Variants in ZNF19 observed in about 807,000 individuals in gnomAD.
ZNF19 encodes zinc finger protein 19 (KOX 12).
ZNF19 carries 11 observed loss-of-function variants against 13.1 expected under a neutral mutation model. The observed-to-expected ratio is 0.84, with a 90% CI of 0.53 to 1.39. The LOEUF (loss-of-function observed/expected upper bound fraction) is 1.39. Among genes scored for constraint, ZNF19 ranks in the 40% most tolerant of loss-of-function variants. The pLI, the probability that ZNF19 is intolerant of heterozygous loss-of-function variation, is 0.00. For synonymous variants in ZNF19, 186 were observed against 187.0 expected (o/e 0.99, Z 0.04); for missense variants, 560 against 547.0 (o/e 1.02, Z -0.24).
chr16:71,479,139 G>T (rs570021312), intron 3 of ZNF19, 134 bp from the exon 4 acceptor site: 31 of 1,169,384 alleles, frequency 2.7e-5, no homozygotes, highest in Admixed American at 3.7e-5. Flanking sequence ...GACAGAACTG[G>T]ATATTAGACC....
intron 4 of ZNF19, 72 bp downstream of exon 4, chr16:71,478,807 C>T: frequency 6.4e-7 from 1 of 1,571,174 alleles, no homozygotes; most frequent in Non-Finnish European, 8.6e-7. Flanking sequence ...CACACTCCTC[C>T]CCCCAGGCTG....
Position 71,475,465 on chromosome 16 carries a change from T to A in ZNF19, c.1082A>T (p.Asp361Val), listed in dbSNP as rs377586170. Reference sequence around the variant, plus strand: ...CTGAGCACTGAAGGCTTTTCCACAATCTACACAGTCAAAGGGTTTCTCCTC... The same window carrying A: ...CTGAGCACTGAAGGCTTTTCCACAAACTACACAGTCAAAGGGTTTCTCCTC... ...HSEEKPFDCVDCGKAFSAQEQ... is the reference protein window; with the variant it reads ...HSEEKPFDCVVCGKAFSAQEQ... The change falls in exon 6 of 6, where the codon GAT becomes GTT. Residue 361 changes from aspartate (D) to valine (V), a missense_variant. By Grantham distance (152) the Asp-to-Val change is radical (BLOSUM62 -3). Transcript: ENST00000288177. 3 of 1,614,124 alleles carry A rather than the reference T, an allele frequency of 1.9e-6. No homozygotes were observed. In the African/African-American group the frequency reaches 4.0e-5, roughly 22 times the overall value.
At chr16:71,483,611 A>C (rs1329341863) in intron 2 of ZNF19, among the ~76,000 whole-genome samples, 2 of 152,190 alleles carry the variant, frequency 1.3e-5, no homozygotes. Context: ...CCTTCAGATC[A>C]TGATCGCTCT....
chr16:71,480,501 T>C (rs2043630132), intron 3 of ZNF19, among the ~76,000 whole-genome samples: 1 of 152,202 alleles, frequency 6.6e-6, no homozygotes, highest in African/African-American at 2.4e-5. Context: ...CTAACCCCCA[T>C]CATCACTCAT....
At position 71,474,254 on chromosome 16, in the gene ZNF19, G is replaced by A. The variant is rs2043585084; in HGVS notation, c.*916C>T. On this transcript the variant is annotated 3_prime_UTR_variant, in exon 6 of 6. Coordinates refer to ENST00000288177, the MANE Select transcript of ZNF19 (RefSeq NM_006961.4). ...CCTAGCCAGGTCAAGGGCAAAGCGG[G>A]CGTGCTGTCCTAGGAATTAAAATGG... The A allele has an allele frequency of 6.6e-6, 1 of 152,216 alleles. No homozygotes were observed. Among genetic ancestry groups the A allele is most frequent in the Non-Finnish European group, 1.5e-5 (1 of 68,046 alleles). 9.4% of individuals were successfully genotyped at this position (152,216 alleles called of 1,614,324 possible).
In ZNF19 at chr16:71,474,528, T is replaced by C. The variant is rs1039574340; in HGVS notation, c.*642A>G. 7 of 152,344 alleles carry C rather than the reference T, an allele frequency of 4.6e-5. No homozygotes were observed. The highest frequency in any genetic ancestry group is 1.7e-4 in the African/African-American group (7 of 41,454). The allele number at this position is 152,344 out of a possible 1,614,324, so 9.4% of individuals were successfully genotyped here. On this transcript the variant is annotated 3_prime_UTR_variant, in exon 6 of 6. Coordinates refer to ENST00000288177, the MANE Select transcript of ZNF19 (RefSeq NM_006961.4). ...TTCTATCTACTAGTGGTGTCTGATA[T>C]AACCTGGGCTCTCCAGTGTTACAGT...
At chr16:71,486,239 G>A (rs1017405574) in intron 1 of ZNF19, among the ~76,000 whole-genome samples, 2 of 150,948 alleles carry the variant, frequency 1.3e-5, no homozygotes, top group African/African-American at 2.4e-5. Flanking sequence ...GTGGGCACAC[G>A]CCTGTAGTCC....
chr16:71,484,040 A>G (rs2145171965), intron 2 of ZNF19, among the ~76,000 whole-genome samples: 1 of 152,360 alleles, frequency 6.6e-6, no homozygotes, highest in East Asian at 1.9e-4. Flanking sequence ...GTAGCAGTCA[A>G]AGGAGAGTGT....
chr16:71,474,076 G>T lies in ZNF19; in HGVS notation c.*1094C>A, dbSNP rs1038089383. 1 of 152,214 alleles carries T rather than the reference G, an allele frequency of 6.6e-6. No homozygotes were observed. The highest frequency in any genetic ancestry group is 1.5e-5 in the Non-Finnish European group (1 of 68,044). 9.4% of individuals were successfully genotyped at this position (152,214 alleles called of 1,614,324 possible). ...AATTAAGTCTGGAATTGGGTAGGGA[G>T]ATTCCAACACTGGCTGGCAGCGGAA... On this transcript the variant is annotated 3_prime_UTR_variant, in exon 6 of 6. Transcript: ENST00000288177.
chr16:71,480,563 T>C (rs1442001141), intron 3 of ZNF19, among the ~76,000 whole-genome samples: 1 of 152,260 alleles, frequency 6.6e-6, no homozygotes, highest in Non-Finnish European at 1.5e-5. Context: ...ACGTTATTTC[T>C]GGAATCTGAC....
intron 4 of ZNF19, 113 bp from the exon 5 acceptor site, chr16:71,478,454 G>A (rs927741919): frequency 1.3e-6 from 1 of 785,726 alleles, no homozygotes. Flanking sequence ...TTCTCGACTG[G>A]AGAAGGCCAA....
chr16:71,488,187 G>A (rs1226488608), intron 1 of ZNF19, among the ~76,000 whole-genome samples: 1 of 151,402 alleles, frequency 6.6e-6, no homozygotes, highest in South Asian at 2.1e-4. Flanking sequence ...TGGAGAAATC[G>A]CATCTCTACT....
chr16:71,482,750 G>A (rs2043645755), intron 2 of ZNF19, among the ~76,000 whole-genome samples: 3 of 152,134 alleles, frequency 2.0e-5, no homozygotes, highest in Admixed American at 6.6e-5. Context: ...CACCTGGGCT[G>A]GAGTGCAATG....
intron 2 of ZNF19, among the ~76,000 whole-genome samples, chr16:71,484,044 A>G (rs1337540561): frequency 6.6e-6 from 1 of 152,240 alleles, no homozygotes; most frequent in Non-Finnish European, 1.5e-5. Flanking sequence ...CAGTCAAAGG[A>G]GAGTGTGCTG....
intron 3 of ZNF19, 47 bp from the exon 4 acceptor site, chr16:71,479,052 G>A (rs747779157): frequency 6.6e-5 from 106 of 1,613,522 alleles, no homozygotes; most frequent in South Asian, 1.1e-4. Context: ...CTCTGGCTCC[G>A]GGCCAGAGTG....
At position 71,484,667 on chromosome 16, in the gene ZNF19, C is replaced by T; in HGVS notation, c.-108G>A. On this transcript the variant is annotated 5_prime_UTR_variant, in exon 2 of 6. Coordinates refer to ENST00000288177, the MANE Select transcript of ZNF19 (RefSeq NM_006961.4). ...TTGCACCCAGGCTCACACGCGTACTCTCTAGGATGCCGGAGCGGTCTTCTC... is the reference window on the plus strand; with the variant it reads ...TTGCACCCAGGCTCACACGCGTACTTTCTAGGATGCCGGAGCGGTCTTCTC... 4 of 985,430 alleles carry T rather than the reference C, an allele frequency of 4.1e-6. No homozygotes were observed. The highest frequency in any genetic ancestry group is 3.6e-6 in the Non-Finnish European group (3 of 829,940). 61.0% of individuals were successfully genotyped at this position (985,430 alleles called of 1,614,324 possible). A position where few individuals can be genotyped will look rare whatever the true frequency, so the allele number is the denominator to read the frequency against.
Position 71,475,327 on chromosome 16 carries a change from T to C in ZNF19, c.1220A>G (p.His407Arg), listed in dbSNP as rs780136487. Residue 407 changes from histidine to arginine, a missense_variant, in exon 6 of 6, where the codon CAT (histidine) becomes CGT (arginine). Physicochemically the swap from His to Arg is conservative, Grantham distance 29. Transcript: ENST00000288177. Reference sequence around the variant, plus strand: ...ACACTCATAGGGTTTCTCTCCAGTATGGATTCTTTGATGCTGATGAAGATT... The same window carrying C: ...ACACTCATAGGGTTTCTCTCCAGTACGGATTCTTTGATGCTGATGAAGATT... ...KRNLHQHQRI[H>R]TGEKPYECSK... 2 of 1,614,196 alleles carry C rather than the reference T, an allele frequency of 1.2e-6. No individual in the cohort carries two copies. The highest frequency in any genetic ancestry group is 2.2e-5 in the East Asian group (1 of 44,880).
rs539222297 is a variant in ZNF19, at chr16:71,484,781, C to A, written c.-189-33G>T. Reference sequence around the variant, plus strand: ...AGGAAAGAAAGTATATCATTGTTTTCGCTAATCTCTAACCGAAATTTAGCA... The same window carrying A: ...AGGAAAGAAAGTATATCATTGTTTTAGCTAATCTCTAACCGAAATTTAGCA... On this transcript the variant is annotated intron_variant, in intron 1 of 5. Transcript: ENST00000288177. 22 of 977,818 alleles carry A rather than the reference C, an allele frequency of 2.2e-5. No homozygotes were observed. In the African/African-American group the frequency reaches 3.8e-4, roughly 17 times the overall value. The allele number at this position is 977,818 out of a possible 1,614,324, so 60.6% of individuals were successfully genotyped here. A position where few individuals can be genotyped will look rare whatever the true frequency, so the allele number is the denominator to read the frequency against.
At chr16:71,489,245 C>A in intron 1 of ZNF19, 27 bp downstream of exon 1, 4 of 985,620 alleles carry the variant, frequency 4.1e-6, no homozygotes, top group Non-Finnish European at 4.8e-6. Flanking sequence ...AAGCTCCGCC[C>A]AACTGTGGGT....
Sources: allele counts gnomAD v4.1 joint callset (sites outside exome capture counted in the v4.1 genomes callset), GRCh38; gene constraint gnomAD v4.1.1; transcripts MANE v1.5; gene names NCBI Gene and HGNC (gene_info 2026-07-23, HGNC 2026-07-21).